Variants in NUP107 observed in about 807,000 individuals in gnomAD.
The protein encoded by NUP107 is nucleoporin 107, also known as nuclear pore complex protein Nup107.
A neutral mutation model predicts 141.0 loss-of-function variants in NUP107; 101 were observed. The ratio of observed to expected loss-of-function variants is 0.72; its 90% CI spans 0.61 to 0.84. The LOEUF (loss-of-function observed/expected upper bound fraction) is 0.84, where lower values mean the gene tolerates loss of function less well. Ranked by LOEUF, NUP107 falls within the 40% of genes least tolerant of loss-of-function variation. The pLI is 0.00. For missense variants in NUP107, 941 were observed against 1,102.7 expected, an observed-to-expected ratio of 0.85 and a Z score of 2.08; for synonymous variants, 319 against 363.9, an observed-to-expected ratio of 0.88 and a Z score of 1.41.
intron 20 of NUP107, among the ~76,000 whole-genome samples, chr12:68,729,777 T>C (rs1482067527): frequency 6.6e-6 from 1 of 151,514 alleles, no homozygotes; most frequent in Non-Finnish European, 1.5e-5. Context: ...TTCTAGGCTA[T>C]TAATTTGTTT....
intron 12 of NUP107, among the ~76,000 whole-genome samples, chr12:68,717,380 T>G (rs1877159626): frequency 6.6e-6 from 1 of 152,158 alleles, no homozygotes; most frequent in African/African-American, 2.4e-5. Flanking sequence ...ATTCAAGTTT[T>G]TTCCCTCTTT....
intron 5 of NUP107, among the ~76,000 whole-genome samples, chr12:68,694,207 A>G (rs1345023464): frequency 2.6e-5 from 4 of 152,196 alleles, no homozygotes; most frequent in Admixed American, 6.5e-5. Context: ...AATACTTTCT[A>G]CTTAGGCCAA....
intron 9 of NUP107, 47 bp downstream of exon 9, chr12:68,709,356 G>A (rs1211599254): frequency 1.8e-6 from 2 of 1,118,626 alleles, no homozygotes; most frequent in Non-Finnish European, 2.6e-6. Context: ...TGGAGAAAAG[G>A]TTAATGACAT....
intron 11 of NUP107, chr12:68,714,041 T>TA: frequency 2.2e-6 from 1 of 453,530 alleles, no homozygotes; most frequent in East Asian, 4.0e-5. Flanking sequence ...TTGACAGCAT[T>TA]AAAAACAAAT....
intron 8 of NUP107, chr12:68,706,435 C>A: frequency 1.3e-6 from 1 of 797,476 alleles, no homozygotes. Flanking sequence ...AGGCACCGTA[C>A]GAGGAGATCG....
intron 26 of NUP107, among the ~76,000 whole-genome samples, chr12:68,736,700 A>G (rs1878082071): frequency 7.2e-6 from 1 of 138,226 alleles, no homozygotes; most frequent in Admixed American, 7.3e-5. Context: ...TACAGGCATG[A>G]GTCAATGTGT....
At chr12:68,738,207 C>T (rs1048126450) in intron 26 of NUP107, among the ~76,000 whole-genome samples, 3 of 152,054 alleles carry the variant, frequency 2.0e-5, no homozygotes, top group Admixed American at 6.6e-5. Flanking sequence ...ACCTGGGAGG[C>T]GGAGGTTGCA....
In NUP107 at chr12:68,696,483, C is replaced by T. The variant is rs145602139; in HGVS notation, c.449-336C>T. ...ATGCCAGCACTTTGGGAGGCTGAGG[C>T]GAGCAGATCACCTGAGGTCAGGAGT... is the stretch of plus-strand genomic sequence containing the variant. On this transcript the variant is annotated intron_variant, in intron 5 of 27. Coordinates refer to ENST00000229179, the MANE Select transcript of NUP107 (RefSeq NM_020401.4). 0.019 allele frequency among the ~76,000 whole-genome samples: 2,849 copies of T among 152,096 alleles called. 35 individuals are homozygous for T. The highest frequency in any genetic ancestry group is 0.031 in the Non-Finnish European group (2,077 of 67,992).
At position 68,689,523 on chromosome 12, in the gene NUP107, CGTT is replaced by C. The variant is rs1592488620; in HGVS notation, c.101-7_101-5del. The C allele has an allele frequency of 2.6e-6, 4 of 1,552,876 alleles. No homozygotes were observed. The highest frequency in any genetic ancestry group is 2.8e-5 in the African/African-American group (2 of 72,654). On this transcript the variant is annotated splice_polypyrimidine_tract_variant and splice_region_variant and intron_variant, in intron 2 of 27. Transcript: ENST00000229179. ...TCTACATGGAAAACTTTTCTTAACT[CGTT>C]GTACAGTTCAGGCATCTCAAGATGA...
chr12:68,739,545 A>G (rs948390161), intron 26 of NUP107, among the ~76,000 whole-genome samples: 1 of 152,240 alleles, frequency 6.6e-6, no homozygotes, highest in African/African-American at 2.4e-5. Flanking sequence ...CTCACATGTA[A>G]GGCACTACAT....
chr12:68,702,461 T>C (rs967207270), intron 7 of NUP107, among the ~76,000 whole-genome samples: 1 of 151,794 alleles, frequency 6.6e-6, no homozygotes, highest in African/African-American at 2.4e-5. Flanking sequence ...GGGGTTTCAC[T>C]CTGTTGTTCG....
intron 8 of NUP107, chr12:68,706,629 G>A (rs571602265): frequency 2.9e-4 from 205 of 705,174 alleles, no homozygotes; most frequent in South Asian, 2.4e-3. Context: ...CCTGGAGGCC[G>A]CCATCGCAGA....
chr12:68,721,254 C>A, intron 15 of NUP107, 77 bp downstream of exon 15: 1 of 925,682 alleles, frequency 1.1e-6, no homozygotes, highest in Non-Finnish European at 1.7e-6. Context: ...TTGTATATAA[C>A]AAATATAAAC....
chr12:68,699,679 AGGGGTGG>A (rs1876233592), intron 6 of NUP107, among the ~76,000 whole-genome samples: 2 of 152,172 alleles, frequency 1.3e-5, no homozygotes, highest in African/African-American at 4.8e-5. Context: ...ATACTTATTA[AGGGGTGG>A]GAAAACCCAT....
intron 4 of NUP107, among the ~76,000 whole-genome samples, chr12:68,691,172 G>C (rs542590328): frequency 5.9e-5 from 9 of 152,260 alleles, no homozygotes; most frequent in African/African-American, 1.9e-4. Flanking sequence ...GAAATAATTA[G>C]ACAGTAAAAA....
intron 12 of NUP107, among the ~76,000 whole-genome samples, chr12:68,716,384 C>G (rs1249642290): frequency 6.6e-6 from 1 of 152,002 alleles, no homozygotes; most frequent in Non-Finnish European, 1.5e-5. Flanking sequence ...GTACACGCCA[C>G]TATGCCCAAC....
chr12:68,732,348 C>A (rs966025386), intron 22 of NUP107, among the ~76,000 whole-genome samples: 2 of 152,142 alleles, frequency 1.3e-5, no homozygotes, highest in Admixed American at 1.3e-4. Context: ...GTTGTCCAGG[C>A]TGGTCTCGAA....
At chr12:68,726,647 C>G in intron 19 of NUP107, 30 bp downstream of exon 19, 1 of 1,344,982 alleles carries the variant, frequency 7.4e-7, no homozygotes, top group Non-Finnish European at 1.1e-6. Context: ...TTCTTCTTCT[C>G]TGTAATGTTG....
chr12:68,726,572 G>C lies in NUP107; in HGVS notation c.1650G>C (p.Met550Ile), dbSNP rs1218461019. The C allele has an allele frequency of 6.2e-7, 1 of 1,613,704 alleles. No homozygotes were observed. The highest frequency in any genetic ancestry group is 8.5e-7 in the Non-Finnish European group (1 of 1,179,932). ...NNLPGHLLRF[M>I]THLILFFRTL... ...TACCTGGACACCTGCTTCGCTTTAT[G>C]ACTCACCTTATTTTGTTTTTCCGTA... The change falls in exon 19 of 28, where the codon ATG becomes ATC. Residue 550 changes from methionine (M) to isoleucine (I), a missense_variant. Coordinates refer to ENST00000229179, the MANE Select transcript of NUP107 (RefSeq NM_020401.4).
Sources: allele counts gnomAD v4.1 joint callset (sites outside exome capture counted in the v4.1 genomes callset), GRCh38; gene constraint gnomAD v4.1.1; transcripts MANE v1.5; gene names NCBI Gene and HGNC (gene_info 2026-07-23, HGNC 2026-07-21).